Variants in CCDC141 observed in about 807,000 individuals in gnomAD.
The protein encoded by CCDC141 is coiled-coil domain-containing protein 141.
CCDC141 carries 168 observed loss-of-function variants against 181.0 expected under a neutral mutation model. That is an observed-to-expected ratio of 0.93 (90% CI 0.82 to 1.05). The LOEUF is 1.05. Among genes scored for constraint, CCDC141 ranks in the 50% least tolerant of loss-of-function variants. The pLI is 0.00. For missense variants in CCDC141, 1,902 were observed against 1,788.5 expected, an observed-to-expected ratio of 1.06 and a Z score of -1.14; for synonymous variants, 666 against 642.3, an observed-to-expected ratio of 1.04 and a Z score of -0.56.
At chr2:178,878,295 ATTTAT>A (rs1414551730) in intron 11 of CCDC141, among the ~76,000 whole-genome samples, 152 bp from the exon 12 acceptor site, 3,450 of 91,628 alleles carry the variant, frequency 0.038, 140 homozygotes, top group African/African-American at 0.12. Context: ...TTATTTATTT[ATTTAT>A]TTTATTTATT....
intron 16 of CCDC141, among the ~76,000 whole-genome samples, chr2:178,866,756 T>C (rs941386236): frequency 6.6e-6 from 1 of 152,150 alleles, no homozygotes; most frequent in Non-Finnish European, 1.5e-5. Context: ...GAGTCTTATT[T>C]ACTCTGTCGC....
intron 21 of CCDC141, among the ~76,000 whole-genome samples, chr2:178,847,748 A>T (rs904782780): frequency 1.3e-5 from 2 of 152,112 alleles, no homozygotes; most frequent in African/African-American, 2.4e-5. Flanking sequence ...CCCAAAGTTT[A>T]TATGTTAAAA....
At chr2:178,852,453 A>G (rs1470952827) in intron 20 of CCDC141, among the ~76,000 whole-genome samples, 1 of 152,252 alleles carries the variant, frequency 6.6e-6, no homozygotes, top group Non-Finnish European at 1.5e-5. Context: ...GTGCACTCAC[A>G]CGGTAACTCC....
intron 2 of CCDC141, among the ~76,000 whole-genome samples, chr2:179,036,906 A>C (rs1041126250): frequency 4.6e-5 from 7 of 152,256 alleles, no homozygotes; most frequent in African/African-American, 1.7e-4. Flanking sequence ...TGAGAAATAG[A>C]AATCAGGGTG....
chr2:178,944,639 A>G lies in CCDC141; in HGVS notation c.793T>C (p.Phe265Leu), dbSNP rs1016070184. The G allele has an allele frequency of 1.3e-6, 2 of 1,495,238 alleles. No homozygotes were observed. Among genetic ancestry groups the G allele is most frequent in the African/African-American group, 2.8e-5 (2 of 71,334 alleles). 92.6% of individuals were successfully genotyped at this position (1,495,238 alleles called of 1,614,324 possible). ...DQQENQVTCW[F>L]QKTIRNLQEQ... ...TGTAAATTTCTTATAGTTTTCTGAA[A>G]CCAACAAGTAACCTAGGTAAAAGGC... The change falls in exon 6 of 24, where the codon TTT becomes CTT. Residue 265 changes from phenylalanine (F) to leucine (L), a missense_variant. Phe to Leu is a conservative substitution (Grantham distance 22). Transcript: ENST00000443758.
Position 178,988,261 on chromosome 2 carries a change from T to C in CCDC141, c.226-9586A>G, listed in dbSNP as rs190766765. On this transcript the variant is annotated intron_variant, in intron 2 of 23. Coordinates refer to ENST00000443758, the MANE Select transcript of CCDC141 (RefSeq NM_173648.4). ...GTATATTCTCACTCATAGGTGGGAA[T>C]TGAACAGTGAGATCACATGGACACA... 7.1e-3 allele frequency among the ~76,000 whole-genome samples: 1,023 copies of C among 143,338 alleles called. 4 individuals are homozygous for C. Among genetic ancestry groups the C allele is most frequent in the Non-Finnish European group, 8.2e-3 (550 of 67,074 alleles). 94.0% of individuals were successfully genotyped at this position (143,338 alleles called of 152,430 possible). A position where few individuals can be genotyped will look rare whatever the true frequency, so the allele number is the denominator to read the frequency against.
chr2:178,973,745 T>A (rs1208587621), intron 4 of CCDC141, among the ~76,000 whole-genome samples: 1 of 152,230 alleles, frequency 6.6e-6, no homozygotes. Context: ...TCTTCAATAA[T>A]AGCATCCATC....
intron 4 of CCDC141, 114 bp downstream of exon 4, chr2:178,974,943 C>G: frequency 4.1e-6 from 2 of 490,002 alleles, no homozygotes; most frequent in South Asian, 4.8e-5. Context: ...TTGGAACAAG[C>G]TGAGGTAAAC....
chr2:179,047,223 A>T, intron 2 of CCDC141, 61 bp downstream of exon 2: 3 of 1,432,624 alleles, frequency 2.1e-6, no homozygotes, highest in Non-Finnish European at 2.8e-6. Flanking sequence ...ATCAAGAAGT[A>T]TAAGAAATAG....
intron 5 of CCDC141, among the ~76,000 whole-genome samples, chr2:178,957,716 T>A (rs1025650649): frequency 6.6e-6 from 1 of 152,142 alleles, no homozygotes; most frequent in Non-Finnish European, 1.5e-5. Context: ...ATGCAGACAA[T>A]GGGATATTTA....
At chr2:178,881,925 A>T (rs1056833550) in intron 11 of CCDC141, among the ~76,000 whole-genome samples, 6,766 of 140,780 alleles carry the variant, frequency 0.048, 201 homozygotes, top group African/African-American at 0.082. Context: ...TCACACACAC[A>T]CACACACACA....
chr2:179,006,439 T>C (rs2042125458), intron 2 of CCDC141, among the ~76,000 whole-genome samples: 1 of 152,194 alleles, frequency 6.6e-6, no homozygotes, highest in Non-Finnish European at 1.5e-5. Flanking sequence ...ATGATCACTC[T>C]GCAAGATATT....
At chr2:178,989,338 A>T (rs921175140) in intron 2 of CCDC141, among the ~76,000 whole-genome samples, 3 of 152,106 alleles carry the variant, frequency 2.0e-5, no homozygotes, top group Non-Finnish European at 2.9e-5. Flanking sequence ...TCATGCCTGT[A>T]ATCCCAGCTC....
intron 22 of CCDC141, among the ~76,000 whole-genome samples, 174 bp from the exon 23 acceptor site, chr2:178,837,918 C>T (rs1277688459): frequency 6.6e-6 from 1 of 152,208 alleles, no homozygotes; most frequent in African/African-American, 2.4e-5. Context: ...ATCCTGAGCA[C>T]AGTCCCACTT....
chr2:178,996,828 G>A (rs1057488310), intron 2 of CCDC141, among the ~76,000 whole-genome samples: 1 of 152,180 alleles, frequency 6.6e-6, no homozygotes, highest in African/African-American at 2.4e-5. Flanking sequence ...TTTTCTCGAA[G>A]AAAGTCAGCA....
At chr2:178,946,330 TTATTA>T (rs1689731703) in intron 5 of CCDC141, among the ~76,000 whole-genome samples, 1 of 152,200 alleles carries the variant, frequency 6.6e-6, no homozygotes, top group Admixed American at 6.5e-5. Flanking sequence ...GCTATAAAAT[TTATTA>T]TTTTATTTTG....
intron 14 of CCDC141, among the ~76,000 whole-genome samples, chr2:178,869,506 C>CAA (rs956485680): frequency 6.7e-6 from 1 of 149,308 alleles, no homozygotes; most frequent in African/African-American, 2.5e-5. Context: ...GAGAAATTTA[C>CAA]AAAAAAAAAT....
chr2:178,901,642 CCAATAT>C (rs1298664741), intron 8 of CCDC141, among the ~76,000 whole-genome samples: 1 of 151,842 alleles, frequency 6.6e-6, no homozygotes, highest in African/African-American at 2.4e-5. Context: ...AAACCCACAG[CCAATAT>C]CATACTGAAT....
chr2:178,969,330 A>T (rs189870567), intron 4 of CCDC141, among the ~76,000 whole-genome samples: 4 of 152,100 alleles, frequency 2.6e-5, no homozygotes, highest in African/African-American at 7.2e-5. Flanking sequence ...AGAGCCCACA[A>T]ATGGGACCTA....
Sources: gnomAD v4.1 joint callset for allele counts (sites outside exome capture counted in the v4.1 genomes callset) on GRCh38, gnomAD v4.1.1 for gene constraint, MANE v1.5 for transcripts, NCBI Gene and HGNC (gene_info 2026-07-23, HGNC 2026-07-21) for gene names.